RBFOX1: variants seen among roughly 807,000 people sequenced by gnomAD.
RBFOX1 encodes the protein RNA binding protein fox-1 homolog 1.
Under a neutral mutation model 57.7 loss-of-function variants are expected in RBFOX1, and 8 were observed. That is an observed-to-expected ratio of 0.14 (90% CI 0.08 to 0.25). The LOEUF (loss-of-function observed/expected upper bound fraction) is 0.25, where lower values mean the gene tolerates loss of function less well. Among genes scored for constraint, RBFOX1 ranks in the 10% least tolerant of loss-of-function variants. The pLI is 1.00. For synonymous variants in RBFOX1, 326 were observed against 222.4 expected, an observed-to-expected ratio of 1.47 and a Z score of -4.15; for missense variants, 611 against 548.5, an observed-to-expected ratio of 1.11 and a Z score of -1.14.
chr16:6,645,205 C>T (rs1269290692), intron 2 of RBFOX1, among the ~76,000 whole-genome samples: 3 of 152,168 alleles, frequency 2.0e-5, no homozygotes, highest in African/African-American at 4.8e-5. Flanking sequence ...AGAACCCACC[C>T]AGATAATACA....
chr16:7,102,988 GAC>G (rs142339537), intron 4 of RBFOX1, among the ~76,000 whole-genome samples: 10 of 150,926 alleles, frequency 6.6e-5, no homozygotes, highest in South Asian at 2.1e-4. Flanking sequence ...TGTGTGTACA[GAC>G]ACACACACAC....
intron 11 of RBFOX1, among the ~76,000 whole-genome samples, chr16:7,643,484 G>T (rs1026815699): frequency 6.6e-6 from 1 of 152,198 alleles, no homozygotes; most frequent in Non-Finnish European, 1.5e-5. Context: ...CCAAGGCTTT[G>T]AAATAAGTTT....
chr16:5,310,301 C>G (rs945763630), intron 1 of RBFOX1, among the ~76,000 whole-genome samples: 1 of 152,074 alleles, frequency 6.6e-6, no homozygotes, highest in African/African-American at 2.4e-5. Context: ...ACTCAGGAGG[C>G]TGAGGCAGAG....
chr16:6,122,409 C>G (rs1404289085), intron 1 of RBFOX1, among the ~76,000 whole-genome samples: 1 of 151,448 alleles, frequency 6.6e-6, no homozygotes, highest in Non-Finnish European at 1.5e-5. Context: ...TTTAAAGGAG[C>G]TTTCAACCTG....
chr16:7,435,521 G>A (rs964846446), intron 4 of RBFOX1, among the ~76,000 whole-genome samples: 5 of 152,206 alleles, frequency 3.3e-5, no homozygotes, highest in African/African-American at 1.2e-4. Flanking sequence ...ACTTACGGGT[G>A]AGGTGTTTGT....
intron 15 of RBFOX1, chr16:7,709,430 G>A: frequency 3.0e-6 from 4 of 1,327,488 alleles, no homozygotes; most frequent in East Asian, 2.6e-5. Flanking sequence ...CTAACAGAAT[G>A]CAGTGTCAAT....
At position 7,567,428 on chromosome 16, in the gene RBFOX1, T is replaced by TGGCCCTATATATATATATCCCTATGTAA. The variant is rs1567866675; in HGVS notation, c.271-12322_271-12321insAGGCCCTATATATATATATCCCTATGTA. ...ATCCCTATATATATATCCCTATGTA[T>TGGCCCTATATATATATATCCCTATGTAA]GGCCCTATATATATATATCCCTATG... is the stretch of plus-strand genomic sequence containing the variant. On this transcript the variant is annotated intron_variant, in intron 5 of 15. Transcript: ENST00000550418. Among the ~76,000 whole-genome samples, 240 of 138,608 alleles carry TGGCCCTATATATATATATCCCTATGTAA rather than the reference T, an allele frequency of 1.7e-3. 11 individuals are homozygous for TGGCCCTATATATATATATCCCTATGTAA. Among genetic ancestry groups the TGGCCCTATATATATATATCCCTATGTAA allele is most frequent in the African/African-American group, 6.2e-3 (223 of 36,014 alleles). The allele number at this position is 138,608 out of a possible 152,430, so 90.9% of individuals were successfully genotyped here.
chr16:7,065,678 T>A (rs992529379), intron 4 of RBFOX1, among the ~76,000 whole-genome samples: 7 of 152,162 alleles, frequency 4.6e-5, no homozygotes, highest in Admixed American at 4.6e-4. Flanking sequence ...AAATTTACGC[T>A]CTCAGCAGTT....
chr16:5,335,814 G>A (rs1344952899), intron 1 of RBFOX1, among the ~76,000 whole-genome samples: 1 of 152,134 alleles, frequency 6.6e-6, no homozygotes, highest in Non-Finnish European at 1.5e-5. Context: ...TTCCTTGTGT[G>A]CATAAGTGAA....
chr16:6,051,336 C>A (rs967372444), intron 1 of RBFOX1, among the ~76,000 whole-genome samples: 1 of 151,786 alleles, frequency 6.6e-6, no homozygotes, highest in African/African-American at 2.4e-5. Flanking sequence ...TTCTTTCTTT[C>A]CTTTTTTTTG....
At chr16:7,336,961 G>A (rs1003809734) in intron 4 of RBFOX1, among the ~76,000 whole-genome samples, 4 of 152,134 alleles carry the variant, frequency 2.6e-5, no homozygotes, top group Non-Finnish European at 5.9e-5. Context: ...TTTTCAGGGT[G>A]TTGTCCTAGA....
intron 2 of RBFOX1, among the ~76,000 whole-genome samples, chr16:6,341,378 G>T (rs1356294845): frequency 6.6e-6 from 1 of 152,012 alleles, no homozygotes; most frequent in Non-Finnish European, 1.5e-5. Flanking sequence ...TCTTGTATAG[G>T]AGATGAGTAA....
At chr16:6,310,122 G>A (rs924801972) in intron 1 of RBFOX1, among the ~76,000 whole-genome samples, 12 of 152,166 alleles carry the variant, frequency 7.9e-5, no homozygotes, top group Middle Eastern at 3.2e-3. Flanking sequence ...TTCTGACCTC[G>A]TGATCCGCCC....
At chr16:7,222,171 C>A (rs2092779335) in intron 4 of RBFOX1, among the ~76,000 whole-genome samples, 1 of 146,646 alleles carries the variant, frequency 6.8e-6, no homozygotes, top group African/African-American at 2.4e-5. Flanking sequence ...TGAAGTAAGA[C>A]AGTGCCATAG....
intron 2 of RBFOX1, among the ~76,000 whole-genome samples, chr16:6,544,254 C>A (rs184059000): frequency 2.0e-5 from 3 of 152,246 alleles, no homozygotes; most frequent in East Asian, 1.9e-4. Flanking sequence ...ACTTCTTGGC[C>A]ACCACAGGTG....
intron 3 of RBFOX1, among the ~76,000 whole-genome samples, chr16:5,606,317 A>T (rs1379820425): frequency 6.6e-6 from 1 of 151,776 alleles, no homozygotes; most frequent in African/African-American, 2.4e-5. Context: ...TTCTGCTTGA[A>T]TTCTCCCCTC....
At chr16:5,616,241 A>AC (rs2048020781) in intron 3 of RBFOX1, 1 of 151,934 alleles carries the variant, frequency 6.6e-6, no homozygotes, top group Admixed American at 6.6e-5. Context: ...CCCCAGCACC[A>AC]CCCTCTGCCT....
intron 3 of RBFOX1, among the ~76,000 whole-genome samples, chr16:5,712,419 G>A (rs573695031): frequency 6.6e-6 from 1 of 152,314 alleles, no homozygotes; most frequent in African/African-American, 2.4e-5. Context: ...GCTGGCACCT[G>A]CCAGGACCAG....
At chr16:5,875,752 A>G (rs1182537167) in intron 4 of RBFOX1, among the ~76,000 whole-genome samples, 2 of 152,176 alleles carry the variant, frequency 1.3e-5, no homozygotes, top group African/African-American at 4.8e-5. Flanking sequence ...GGGTCTCTGG[A>G]AAAGTGAACC....
Sources: allele counts gnomAD v4.1 joint callset (sites outside exome capture counted in the v4.1 genomes callset), GRCh38; gene constraint gnomAD v4.1.1; transcripts MANE v1.5; gene names NCBI Gene and HGNC (gene_info 2026-07-23, HGNC 2026-07-21).